The following NECTIN1 variants were observed in gnomAD, a reference collection of about 807,000 sequenced individuals.
NECTIN1 encodes the protein nectin-1.
A neutral mutation model predicts 48.0 loss-of-function variants in NECTIN1; 23 were observed. The observed-to-expected ratio is 0.48, with a 90% CI of 0.34 to 0.68. The LOEUF is 0.68. NECTIN1 is among the 30% of genes least tolerant of loss of function. The pLI is 0.01. For synonymous variants in NECTIN1, 270 were observed against 288.9 expected, an observed-to-expected ratio of 0.93 and a Z score of 0.66; for missense variants, 591 against 709.9, an observed-to-expected ratio of 0.83 and a Z score of 1.90.
At chr11:119,719,406 A>G (rs1232235914) in intron 1 of NECTIN1, among the ~76,000 whole-genome samples, 1 of 152,184 alleles carries the variant, frequency 6.6e-6, no homozygotes, top group Non-Finnish European at 1.5e-5. Context: ...TGGTATAAAC[A>G]CGGACATGGG....
intron 5 of NECTIN1, among the ~76,000 whole-genome samples, chr11:119,670,870 C>T (rs1864853234): frequency 6.6e-6 from 1 of 151,992 alleles, no homozygotes; most frequent in Non-Finnish European, 1.5e-5. Flanking sequence ...AACTCCTGAT[C>T]TCAAGTGGTC....
chr11:119,640,105 T>C lies in NECTIN1; in HGVS notation c.1004-93A>G, dbSNP rs960164679. On this transcript the variant is annotated intron_variant, in intron 5 of 7. Coordinates refer to the NECTIN1 transcript ENST00000341398. ...GTGAGAGAGTCAGACCCTGAGGCAG[T>C]ACTCTGCCTTTGACATTGCACCCCC... The C allele has an allele frequency of 1.2e-5, 16 of 1,342,972 alleles. No homozygotes were observed. The African/African-American group carries it at 1.9e-4, about 16-fold the overall frequency. The allele number at this position is 1,342,972 out of a possible 1,614,324, so 83.2% of individuals were successfully genotyped here.
At chr11:119,682,958 A>C (rs1036465795) in intron 1 of NECTIN1, among the ~76,000 whole-genome samples, 4 of 152,144 alleles carry the variant, frequency 2.6e-5, no homozygotes, top group Non-Finnish European at 4.4e-5. Flanking sequence ...TGTAACACTG[A>C]CCTGTACCCC....
rs951150997 is a variant in NECTIN1 at position 119,663,492 on chromosome 11, C to T, written c.*1255G>A. On this transcript the variant is annotated 3_prime_UTR_variant, in exon 6 of 6. Coordinates refer to ENST00000264025, the MANE Select transcript of NECTIN1 (RefSeq NM_002855.5). ...GGAGGTGGCCTAGCGGCCCCACCCC[C>T]CTCACTTTCTGCCAGGCCCGAGGCT... 4 of 985,582 alleles carry T rather than the reference C, an allele frequency of 4.1e-6. No individual in the cohort carries two copies. The highest frequency in any genetic ancestry group is 3.6e-6 in the Non-Finnish European group (3 of 830,018). The allele number at this position is 985,582 out of a possible 1,614,324, so 61.1% of individuals were successfully genotyped here. A position where few individuals can be genotyped will look rare whatever the true frequency, so the allele number is the denominator to read the frequency against.
intron 1 of NECTIN1, among the ~76,000 whole-genome samples, chr11:119,689,389 C>T (rs1338703440): frequency 2.0e-5 from 3 of 152,174 alleles, no homozygotes; most frequent in East Asian, 1.9e-4. Context: ...CCCTTGAGCC[C>T]GTCCCACCCA....
intron 1 of NECTIN1, among the ~76,000 whole-genome samples, chr11:119,691,572 T>C (rs932415693): frequency 6.6e-6 from 1 of 152,226 alleles, no homozygotes; most frequent in Admixed American, 6.5e-5. Context: ...TCCAGGTCCC[T>C]GGGCTTTCCC....
chr11:119,699,370 G>A (rs1351970419), intron 1 of NECTIN1, among the ~76,000 whole-genome samples: 11 of 220 alleles, frequency 0.05, no homozygotes, highest in Admixed American at 0.26. Context: ...TCTTTCCCAC[G>A]GCCCCCGGCC....
chr11:119,655,474 C>G (rs1223635045), intron 5 of NECTIN1, among the ~76,000 whole-genome samples: 1 of 152,166 alleles, frequency 6.6e-6, no homozygotes, highest in African/African-American at 2.4e-5. Flanking sequence ...TTGCTCTGAG[C>G]TGGCCATTGT....
chr11:119,665,157 G>A lies in NECTIN1; in HGVS notation c.1144C>T (p.Arg382Trp), dbSNP rs753373250. Residue 382 changes from arginine (R) to tryptophan (W), a missense_variant, in exon 6 of 6, where the codon CGG becomes TGG. Physicochemically the swap from Arg to Trp is moderately radical, Grantham distance 101. Coordinates refer to ENST00000264025, the MANE Select transcript of NECTIN1 (RefSeq NM_002855.5). This position sits in a 1 kb window ranked among gnomAD's most constrained non-coding sequence, Gnocchi z 5.1. ...GGIVVALRRR[R>W]HTFKGDYSTK... ...CTGTAGTCACCCTTGAAGGTGTGCC[G>A]GCGCCGACGCAGGGCGACCACGATC... The A allele has an allele frequency of 6.2e-6, 10 of 1,612,990 alleles. No homozygotes were observed. The highest frequency in any genetic ancestry group is 3.3e-5 in the South Asian group (3 of 91,088).
rs561865319 is a variant in NECTIN1, at chr11:119,700,635, C to T, written c.80-21870G>A. Among the ~76,000 whole-genome samples the T allele has an allele frequency of 2.7e-4, 41 of 152,266 alleles. No individual in the cohort carries two copies. The South Asian group carries it at 8.5e-3, about 32-fold the overall frequency. On this transcript the variant is annotated intron_variant, in intron 1 of 5. Transcript: ENST00000264025. ...GTGTTCACTTCCACATTCCCAGGGT[C>T]CTGTAGCTCAGCGGAAATGAAACCT...
chr11:119,699,698 G>A (rs1051706853), intron 1 of NECTIN1, among the ~76,000 whole-genome samples: 1 of 152,240 alleles, frequency 6.6e-6, no homozygotes, highest in African/African-American at 2.4e-5. Context: ...ATTCCCTGGA[G>A]TGCTCATGAA....
In NECTIN1 at chr11:119,684,303, G is replaced by C. The variant is rs1434531684; in HGVS notation, c.80-5538C>G. Among the ~76,000 whole-genome samples, 3 of 152,352 alleles carry C rather than the reference G, an allele frequency of 2.0e-5. No homozygotes were observed. Among genetic ancestry groups the C allele is most frequent in the Non-Finnish European group, 4.4e-5 (3 of 68,032 alleles). The stretch of plus-strand genomic sequence containing the variant: ...CCCACCCCAGCCCCTCCTTTCCTGA[G>C]ACTCTGCCTGGGGGCCTTGAAGTGG... On this transcript the variant is annotated intron_variant, in intron 1 of 5. Coordinates refer to ENST00000264025, the MANE Select transcript of NECTIN1 (RefSeq NM_002855.5). The surrounding 1 kb of genome is among the most constrained non-coding windows in gnomAD (Gnocchi z 5.2).
downstream of NECTIN1, among the ~76,000 whole-genome samples, chr11:119,660,046 A>C (rs532907114): frequency 6.6e-6 from 1 of 152,182 alleles, no homozygotes. Flanking sequence ...CTGCACGCCT[A>C]CTTCTGCCCG....
rs183984814 is a variant in NECTIN1, at chr11:119,667,047, C to T, written c.1004-1750G>A. ...GCTCCCCACCTGCCACCACCATCCTCGGTGCAGGTCAGCCAGCAGCTGCCC... is the reference window on the plus strand; with the variant it reads ...GCTCCCCACCTGCCACCACCATCCTTGGTGCAGGTCAGCCAGCAGCTGCCC... On this transcript the variant is annotated intron_variant, in intron 5 of 5. Transcript: ENST00000264025. 8.4e-3 allele frequency among the ~76,000 whole-genome samples: 1,273 copies of T among 152,284 alleles called. 14 individuals carry two copies. Among genetic ancestry groups the T allele is most frequent in the African/African-American group, 0.024 (1,004 of 41,528 alleles).
At chr11:119,685,656 A>T (rs1397019675) in intron 1 of NECTIN1, among the ~76,000 whole-genome samples, 1 of 152,166 alleles carries the variant, frequency 6.6e-6, no homozygotes, top group East Asian at 1.9e-4. Context: ...TCATGGGGCC[A>T]GTCCTGAGCC....
At chr11:119,675,424 A>AC in intron 4 of NECTIN1, 114 bp from the exon 5 acceptor site, 3 of 1,024,542 alleles carry the variant, frequency 2.9e-6, no homozygotes, top group Non-Finnish European at 4.6e-6. Context: ...CTTGTGTGGT[A>AC]GAGTCTGTCT....
At chr11:119,658,208 G>C (rs567665521), downstream of NECTIN1, among the ~76,000 whole-genome samples, 1 of 152,140 alleles carries the variant, frequency 6.6e-6, no homozygotes. Flanking sequence ...CCCAGCTCCT[G>C]GAGTGTGTAT....
rs1865127349 is a variant in NECTIN1 at position 119,684,795 on chromosome 11, C to A, written c.80-6030G>T. 6.6e-6 allele frequency among the ~76,000 whole-genome samples: 1 copy of A among 152,144 alleles called. No individual in the cohort carries two copies. Among genetic ancestry groups the A allele is most frequent in the South Asian group, 2.1e-4 (1 of 4,822 alleles). On this transcript the variant is annotated intron_variant, in intron 1 of 5. Transcript: ENST00000264025. The surrounding 1 kb of genome is among the most constrained non-coding windows in gnomAD (Gnocchi z 5.2). ...AGGACACCCACTTCCTTTCTGGGGT[C>A]CCCTCCTTTCACAGGTTTTGCCAAT...
At chr11:119,706,422 G>A (rs914452399) in intron 1 of NECTIN1, among the ~76,000 whole-genome samples, 2 of 152,094 alleles carry the variant, frequency 1.3e-5, no homozygotes, top group Admixed American at 6.6e-5. Context: ...ACCCCCCAGC[G>A]CCAGGAAGGA....
Sources: gnomAD v4.1 joint callset for allele counts (sites outside exome capture counted in the v4.1 genomes callset) on GRCh38, gnomAD v4.1.1 for gene constraint, Gnocchi (gnomAD v3.1) non-coding constraint, MANE v1.5 for transcripts, NCBI Gene and HGNC (gene_info 2026-07-23, HGNC 2026-07-21) for gene names.